Variants in SPTBN4 observed in about 807,000 individuals in gnomAD.
The protein encoded by SPTBN4 is spectrin beta chain, non-erythrocytic 4.
SPTBN4 carries 96 observed loss-of-function variants against 277.8 expected under a neutral mutation model. The observed-to-expected ratio is 0.35, with a 90% CI of 0.29 to 0.41. The LOEUF (loss-of-function observed/expected upper bound fraction) is 0.41. Among genes scored for constraint, SPTBN4 ranks in the 10% least tolerant of loss-of-function variants. The probability of loss-of-function intolerance (pLI) is 1.00; values close to 1 mark genes in which losing one functional copy is unlikely to be tolerated. For synonymous variants in SPTBN4, 1,481 were observed against 1,580.3 expected (o/e 0.94, Z 1.49); for missense variants, 3,006 against 3,595.7 (o/e 0.84, Z 4.19).
At position 40,569,741 on chromosome 19, in the gene SPTBN4, G is replaced by A. The variant is rs556416991; in HGVS notation, c.7026+15G>A. The A allele has an allele frequency of 1.2e-6, 2 of 1,604,130 alleles. No individual in the cohort carries two copies. Among genetic ancestry groups the A allele is most frequent in the Non-Finnish European group, 1.7e-6 (2 of 1,176,840 alleles). ...TGCCTGCTGGGGTAAGTTGAGCCTC[G>A]GATGGGTGGGGATAGGAGGACCCCT... On this transcript the variant is annotated intron_variant, in intron 32 of 35. Transcript: ENST00000598249.
intron 17 of SPTBN4, among the ~76,000 whole-genome samples, chr19:40,527,660 G>A (rs1297378472): frequency 6.6e-6 from 1 of 152,228 alleles, no homozygotes; most frequent in African/African-American, 2.4e-5. Context: ...GCTTGCTCAA[G>A]GCACAGCGAG....
rs1219408507 is a variant in SPTBN4, at chr19:40,487,836, T to G, written c.309T>G (p.Ser103=). ...FVLTRLLEVL[S]GEQLPRPTRG... is the part of the protein sequence containing the mutation. ...TCACGCGGCTCCTGGAAGTGCTGTCTGGGGAGCAGCTGGTGAGGGGGCCTG... is the reference window on the plus strand; with the variant it reads ...TCACGCGGCTCCTGGAAGTGCTGTCGGGGGAGCAGCTGGTGAGGGGGCCTG... The change falls in exon 3 of 36, where the codon TCT becomes TCG. Residue 103 remains serine, a synonymous_variant. Coordinates refer to ENST00000598249, the MANE Select transcript of SPTBN4 (RefSeq NM_020971.3). 10 of 1,604,554 alleles carry G rather than the reference T, an allele frequency of 6.2e-6. No homozygotes were observed. The highest frequency in any genetic ancestry group is 1.7e-4 in the Middle Eastern group (1 of 6,036).
At chr19:40,522,068 C>T (rs1044801098) in intron 16 of SPTBN4, among the ~76,000 whole-genome samples, 1 of 152,182 alleles carries the variant, frequency 6.6e-6, no homozygotes, top group Non-Finnish European at 1.5e-5. Context: ...ACTCTGTCAC[C>T]CGGGCCAGAG....
intron 20 of SPTBN4, among the ~76,000 whole-genome samples, chr19:40,538,246 G>A (rs1416438756): frequency 3.3e-5 from 5 of 152,054 alleles, no homozygotes; most frequent in African/African-American, 7.2e-5. Context: ...AAAATTAGCC[G>A]AACGTGGTGG....
intron 20 of SPTBN4, among the ~76,000 whole-genome samples, chr19:40,545,164 C>T (rs2080845589): frequency 6.6e-6 from 1 of 151,964 alleles, no homozygotes; most frequent in East Asian, 1.9e-4. Context: ...GACGTGATCT[C>T]GGCTCACTGC....
chr19:40,533,962 T>G, intron 19 of SPTBN4, 118 bp from the exon 20 acceptor site: 1 of 1,311,300 alleles, frequency 7.6e-7, no homozygotes, highest in South Asian at 1.5e-5. Context: ...TCCCACTCCC[T>G]GCCTCTGATT....
At chr19:40,469,004 T>G (rs1193251740) in intron 1 of SPTBN4, among the ~76,000 whole-genome samples, 1 of 151,870 alleles carries the variant, frequency 6.6e-6, no homozygotes, top group Non-Finnish European at 1.5e-5. Flanking sequence ...GAGGCTGAGG[T>G]GGGAGGATCG....
chr19:40,505,382 C>CAAAAA lies in SPTBN4; in HGVS notation c.1666-836_1666-832dup, dbSNP rs1209780246. Among the ~76,000 whole-genome samples the CAAAAA allele has an allele frequency of 2.8e-3, 154 of 55,822 alleles. 5 individuals carry two copies. Among genetic ancestry groups the CAAAAA allele is most frequent in the East Asian group, 3.4e-3 (6 of 1,748 alleles). The allele number at this position is 55,822 out of a possible 152,430, so 36.6% of individuals were successfully genotyped here. A position where few individuals can be genotyped will look rare whatever the true frequency, so the allele number is the denominator to read the frequency against. On this transcript the variant is annotated intron_variant, in intron 12 of 35. Transcript: ENST00000598249. ...TGGATGACAGAGTGAGACCCTGTCT[C>CAAAAA]AAAAAAAAAAAAAAAAAAAAAAGAA...
intron 2 of SPTBN4, among the ~76,000 whole-genome samples, chr19:40,475,426 A>G (rs2079935688): frequency 6.6e-6 from 1 of 152,042 alleles, no homozygotes; most frequent in Non-Finnish European, 1.5e-5. Flanking sequence ...TAATCACAAG[A>G]TGGATCTCTG....
chr19:40,491,176 T>C (rs1222660932), intron 4 of SPTBN4, among the ~76,000 whole-genome samples: 1 of 152,142 alleles, frequency 6.6e-6, no homozygotes, highest in Non-Finnish European at 1.5e-5. Flanking sequence ...GATGGCTGAA[T>C]GACATACAAA....
chr19:40,520,040 G>T lies in SPTBN4; in HGVS notation c.3543G>T (p.Trp1181Cys), dbSNP rs867720969. 1 of 1,560,410 alleles carries T rather than the reference G, an allele frequency of 6.4e-7. No individual in the cohort carries two copies. Among genetic ancestry groups the T allele is most frequent in the Non-Finnish European group, 8.7e-7 (1 of 1,155,606 alleles). Residue 1181 changes from tryptophan to cysteine, a missense_variant, in exon 16 of 36, where the codon TGG (tryptophan) becomes TGT (cysteine). This residue lies in a region of SPTBN4 where 1,759 missense variants were observed against 2,061.5 expected (regional missense o/e 0.85). Transcript: ENST00000598249. ...DEWLPHLELGWHKLLGLWEAR... is the reference protein window; with the variant it reads ...DEWLPHLELGCHKLLGLWEAR... ...GGCTGCCACACCTCGAACTTGGCTG[G>T]CATAAACTGCTCGGCTTGTGGGAGG...
intron 35 of SPTBN4, among the ~76,000 whole-genome samples, chr19:40,573,539 A>G (rs2081173541): frequency 6.6e-6 from 1 of 152,168 alleles, no homozygotes; most frequent in Non-Finnish European, 1.5e-5. Flanking sequence ...GATGTGTAAA[A>G]AAGATTCCTG....
At chr19:40,569,816 G>A (rs1409740419) in intron 32 of SPTBN4, 90 bp downstream of exon 32, 1 of 1,287,464 alleles carries the variant, frequency 7.8e-7, no homozygotes, top group Non-Finnish European at 1.1e-6. Context: ...CCTAGCCCTG[G>A]CAGGACCCAT....
chr19:40,556,995 T>TTGGC, intron 25 of SPTBN4, 28 bp from the exon 26 acceptor site: 1 of 1,484,794 alleles, frequency 6.7e-7, no homozygotes, highest in Non-Finnish European at 9.0e-7. Flanking sequence ...CACTTTGCTG[T>TTGGC]ACCCCCCCCC....
chr19:40,567,611 A>AACC, intron 30 of SPTBN4, 52 bp from the exon 31 acceptor site: 38 of 1,190,410 alleles, frequency 3.2e-5, no homozygotes, highest in Non-Finnish European at 3.8e-5. Context: ...CCTCCCCCTT[A>AACC]CCCCGCCCCG....
rs933772762 is a variant in SPTBN4 at position 40,484,873 on chromosome 19, A to G, written c.170-2824A>G. 4.0e-5 allele frequency among the ~76,000 whole-genome samples: 6 copies of G among 151,720 alleles called. No homozygotes were observed. In the South Asian group the frequency reaches 1.3e-3, roughly 32 times the overall value. On this transcript the variant is annotated intron_variant, in intron 2 of 35. Coordinates refer to ENST00000598249, the MANE Select transcript of SPTBN4 (RefSeq NM_020971.3). The stretch of plus-strand genomic sequence containing the variant: ...CGTGAACCCGGGAGGCAAAGCTTGC[A>G]GTGAGCTGAGATCGCGCCACTGCAC...
chr19:40,482,410 G>A (rs1476892471), intron 2 of SPTBN4, among the ~76,000 whole-genome samples: 1 of 152,058 alleles, frequency 6.6e-6, no homozygotes, highest in East Asian at 1.9e-4. Context: ...TTAGCATGGA[G>A]CAAGAGTTGA....
chr19:40,475,312 G>A (rs944171521), intron 2 of SPTBN4, among the ~76,000 whole-genome samples: 3 of 151,320 alleles, frequency 2.0e-5, no homozygotes, highest in South Asian at 2.1e-4. Flanking sequence ...AACACGGAGC[G>A]CTAGAATCAT....
intron 12 of SPTBN4, among the ~76,000 whole-genome samples, chr19:40,505,382 C>CA (rs1209780246): frequency 0.053 from 2,947 of 55,718 alleles, 297 homozygotes; most frequent in African/African-American, 0.17. Context: ...GACCCTGTCT[C>CA]AAAAAAAAAA....
Sources: allele counts gnomAD v4.1 joint callset (sites outside exome capture counted in the v4.1 genomes callset), GRCh38; gene constraint gnomAD v4.1.1; regional missense constraint gnomAD v4.1.1; transcripts MANE v1.5; gene names NCBI Gene and HGNC (gene_info 2026-07-23, HGNC 2026-07-21).